Variants in PDE9A observed in about 807,000 individuals in gnomAD.
PDE9A encodes high affinity cGMP-specific 3',5'-cyclic phosphodiesterase 9A.
Under a neutral mutation model 87.4 loss-of-function variants are expected in PDE9A, and 60 were observed. The ratio of observed to expected loss-of-function variants is 0.69; its 90% CI spans 0.56 to 0.85. The LOEUF (loss-of-function observed/expected upper bound fraction) is 0.85, where lower values mean the gene tolerates loss of function less well. Among genes scored for constraint, PDE9A ranks in the 40% least tolerant of loss-of-function variants. The pLI is 0.00. For synonymous variants in PDE9A, 272 were observed against 279.4 expected, an observed-to-expected ratio of 0.97 and a Z score of 0.27; for missense variants, 665 against 779.0, an observed-to-expected ratio of 0.85 and a Z score of 1.74.
intron 7 of PDE9A, among the ~76,000 whole-genome samples, chr21:42,738,205 G>C (rs187749574): frequency 5.9e-5 from 9 of 152,350 alleles, no homozygotes; most frequent in African/African-American, 1.9e-4. Context: ...CGTGGCAGGA[G>C]CTGACCGGCT....
chr21:42,767,410 A>ATT (rs2056515507), intron 15 of PDE9A, among the ~76,000 whole-genome samples: 1 of 152,096 alleles, frequency 6.6e-6, no homozygotes. Flanking sequence ...GGAGTCAAAG[A>ATT]AAGGCCTGAA....
intron 4 of PDE9A, among the ~76,000 whole-genome samples, chr21:42,716,872 T>C (rs564160070): frequency 6.2e-5 from 9 of 144,756 alleles, no homozygotes; most frequent in African/African-American, 2.3e-4. Flanking sequence ...TGCCTCAGCC[T>C]CCCGAGTAGC....
intron 1 of PDE9A, among the ~76,000 whole-genome samples, chr21:42,678,640 T>C (rs1287560079): frequency 2.0e-5 from 3 of 152,256 alleles, no homozygotes; most frequent in Admixed American, 6.5e-5. Flanking sequence ...CATATGTGAA[T>C]GCGTGTGTGA....
At chr21:42,709,849 C>A (rs1300086302) in intron 4 of PDE9A, among the ~76,000 whole-genome samples, 1 of 152,158 alleles carries the variant, frequency 6.6e-6, no homozygotes, top group Non-Finnish European at 1.5e-5. Context: ...AACTCCTGGG[C>A]TAAAGCAATC....
chr21:42,772,156 A>G (rs1329630808), intron 18 of PDE9A, among the ~76,000 whole-genome samples: 1 of 152,214 alleles, frequency 6.6e-6, no homozygotes, highest in Non-Finnish European at 1.5e-5. Flanking sequence ...GGCCAAGCCC[A>G]AGCCGCAGGC....
chr21:42,657,692 C>G (rs914191029), intron 1 of PDE9A, among the ~76,000 whole-genome samples: 1 of 152,208 alleles, frequency 6.6e-6, no homozygotes, highest in East Asian at 1.9e-4. Context: ...AAGAGAGAGG[C>G]CTTTGGGACC....
intron 4 of PDE9A, among the ~76,000 whole-genome samples, chr21:42,724,806 A>C (rs1483214208): frequency 2.6e-5 from 4 of 152,216 alleles, no homozygotes; most frequent in Non-Finnish European, 5.9e-5. Flanking sequence ...AACTGAGCAC[A>C]CCACAGAAGG....
At chr21:42,684,807 C>T (rs929413374) in intron 1 of PDE9A, among the ~76,000 whole-genome samples, 1 of 152,096 alleles carries the variant, frequency 6.6e-6, no homozygotes, top group Non-Finnish European at 1.5e-5. Flanking sequence ...TTTGACCGAC[C>T]GTTACCCCTG....
rs1250483775 is a variant in PDE9A, at chr21:42,768,124, G to GAGC, written c.1357-52_1357-50dup. On this transcript the variant is annotated intron_variant, in intron 15 of 19. Coordinates refer to ENST00000291539, the MANE Select transcript of PDE9A (RefSeq NM_002606.3). ...TGCCTGTAATGGCAAGTCCAGACCC[G>GAGC]AGCAGCAGCAGCAGGCCCGTGTTCT... The GAGC allele has an allele frequency of 4.2e-6, 4 of 953,268 alleles. No homozygotes were observed. In the East Asian group the frequency reaches 7.2e-5, roughly 17 times the overall value. The allele number at this position is 953,268 out of a possible 1,614,324, so 59.1% of individuals were successfully genotyped here. A position where few individuals can be genotyped will look rare whatever the true frequency, so the allele number is the denominator to read the frequency against.
rs984566228 is a variant in PDE9A at position 42,659,398 on chromosome 21, C to T, written c.69+5515C>T. On this transcript the variant is annotated intron_variant, in intron 1 of 19. Coordinates refer to ENST00000291539, the MANE Select transcript of PDE9A (RefSeq NM_002606.3). The surrounding 1 kb of genome is among the most constrained non-coding windows in gnomAD (Gnocchi z 4.1). ...GGTGGGGACATGGTGCTGAGACGGA[C>T]AGCCTCGCCTCATCCGCCTTTCCCA... Among the ~76,000 whole-genome samples the T allele has an allele frequency of 6.6e-6, 1 of 152,244 alleles. No homozygotes were observed. The highest frequency in any genetic ancestry group is 1.5e-5 in the Non-Finnish European group (1 of 68,040).
At position 42,731,822 on chromosome 21, in the gene PDE9A, A is replaced by G. The variant is rs577421814; in HGVS notation, c.315A>G (p.Pro105=). 1 of 1,614,240 alleles carries G rather than the reference A, an allele frequency of 6.2e-7. No individual in the cohort carries two copies. The highest frequency in any genetic ancestry group is 1.3e-5 in the African/African-American group (1 of 75,082). The change falls in exon 5 of 20, where the codon CCA becomes CCG. Residue 105 remains proline (P), a synonymous_variant. Coordinates refer to ENST00000291539, the MANE Select transcript of PDE9A (RefSeq NM_002606.3). ...TTSRGQSAER[P]LRDRRVVGLE... ...GCCGTGGCCAGTCTGCTGAGAGACC[A>G]CTGAGGGACAGACGGGTTGTGGGCC...
chr21:42,672,219 C>T (rs1180971309), intron 1 of PDE9A, among the ~76,000 whole-genome samples: 3 of 152,252 alleles, frequency 2.0e-5, no homozygotes, highest in East Asian at 1.9e-4. Flanking sequence ...ACCTCGCCTT[C>T]GTTCAGACCA....
intron 4 of PDE9A, among the ~76,000 whole-genome samples, chr21:42,714,687 G>A (rs1475316913): frequency 1.4e-5 from 2 of 144,948 alleles, no homozygotes; most frequent in Non-Finnish European, 3.0e-5. Flanking sequence ...GATATGGTTG[G>A]GGTTAGCTCT....
intron 4 of PDE9A, among the ~76,000 whole-genome samples, chr21:42,716,674 AC>A (rs1400768269): frequency 7.0e-6 from 1 of 142,198 alleles, no homozygotes; most frequent in Admixed American, 7.1e-5. Flanking sequence ...CTCTCCCACC[AC>A]CTTTGAGTTA....
At position 42,760,732 on chromosome 21, in the gene PDE9A, C is replaced by T. The variant is rs1041422139; in HGVS notation, c.1003-93C>T. The T allele has an allele frequency of 1.9e-5, 15 of 783,248 alleles. No individual in the cohort carries two copies. The African/African-American group carries it at 2.3e-4, about 12-fold the overall frequency. 48.5% of individuals were successfully genotyped at this position (783,248 alleles called of 1,614,324 possible). A position where few individuals can be genotyped will look rare whatever the true frequency, so the allele number is the denominator to read the frequency against. On this transcript the variant is annotated intron_variant, in intron 12 of 19. Coordinates refer to ENST00000291539, the MANE Select transcript of PDE9A (RefSeq NM_002606.3). This position sits in a 1 kb window ranked among gnomAD's most constrained non-coding sequence, Gnocchi z 5.2. ...CAGATGGCTGCAGGGGCCTTTGTCC[C>T]CCGCTTACCACTCACCCAATTCCAC...
intron 17 of PDE9A, 23 bp downstream of exon 17, chr21:42,769,178 C>A: frequency 1.2e-6 from 2 of 1,608,376 alleles, no homozygotes; most frequent in South Asian, 1.1e-5. Context: ...CACCACATGT[C>A]ACACTTGCTT....
intron 4 of PDE9A, among the ~76,000 whole-genome samples, chr21:42,730,468 T>C (rs903026625): frequency 6.6e-6 from 1 of 152,086 alleles, no homozygotes; most frequent in African/African-American, 2.4e-5. Flanking sequence ...ATACGTTAAT[T>C]ATAGAAAATG....
intron 8 of PDE9A, among the ~76,000 whole-genome samples, chr21:42,750,596 C>T (rs1053872327): frequency 2.0e-5 from 3 of 149,226 alleles, no homozygotes; most frequent in East Asian, 4.0e-4. Context: ...GATGGAGTTT[C>T]GCTCTTGTTG....
intron 4 of PDE9A, chr21:42,701,231 T>C (rs997138488): frequency 6.6e-6 from 1 of 152,032 alleles, no homozygotes; most frequent in African/African-American, 2.4e-5. Flanking sequence ...GCAAATGGAC[T>C]TTTTTTTCAT....
Sources: allele counts gnomAD v4.1 joint callset (sites outside exome capture counted in the v4.1 genomes callset), GRCh38; gene constraint gnomAD v4.1.1; non-coding constraint Gnocchi (gnomAD v3.1); transcripts MANE v1.5; gene names NCBI Gene and HGNC (gene_info 2026-07-23, HGNC 2026-07-21).